Variants in AMOTL1 observed in about 807,000 individuals in gnomAD.
AMOTL1 encodes the protein angiomotin like 1.
AMOTL1 carries 45 observed loss-of-function variants against 102.9 expected under a neutral mutation model. The ratio of observed to expected loss-of-function variants is 0.44; its 90% CI spans 0.34 to 0.56. The LOEUF (loss-of-function observed/expected upper bound fraction) is 0.56, where lower values mean the gene tolerates loss of function less well. Ranked by LOEUF, AMOTL1 falls within the 20% of genes least tolerant of loss-of-function variation. The probability of loss-of-function intolerance (pLI) is 0.01; values close to 1 mark genes in which losing one functional copy is unlikely to be tolerated. For missense variants in AMOTL1, 1,114 were observed against 1,225.6 expected (o/e 0.91, Z 1.36); for synonymous variants, 481 against 484.7 (o/e 0.99, Z 0.10).
chr11:94,709,161 A>C (rs1012952016), intron 1 of AMOTL1, among the ~76,000 whole-genome samples: 23 of 152,176 alleles, frequency 1.5e-4, no homozygotes, highest in African/African-American at 5.5e-4. Context: ...ACAGGAGTTT[A>C]ATGCTAATTC....
intron 1 of AMOTL1, among the ~76,000 whole-genome samples, chr11:94,787,772 G>A (rs781741774): frequency 2.7e-5 from 4 of 146,414 alleles, no homozygotes; most frequent in Non-Finnish European, 4.5e-5. Context: ...CAGAACAATT[G>A]CTTAAAAAAA....
chr11:94,866,183 T>C lies in AMOTL1; in HGVS notation c.2488+15T>C, dbSNP rs1460626402. ...GGGGAGCATAGGTGAGCCCCACACC[T>C]CTGTCAGACCATGATTGGAAAAGCA... On this transcript the variant is annotated intron_variant, in intron 11 of 12. Coordinates refer to ENST00000433060, the MANE Select transcript of AMOTL1 (RefSeq NM_130847.3). The C allele has an allele frequency of 2.5e-6, 4 of 1,611,530 alleles. No homozygotes were observed. In the South Asian group the frequency reaches 4.4e-5, roughly 18 times the overall value.
At chr11:94,827,542 T>C (rs537929057) in intron 4 of AMOTL1, among the ~76,000 whole-genome samples, 2 of 152,248 alleles carry the variant, frequency 1.3e-5, no homozygotes, top group Non-Finnish European at 1.5e-5. Flanking sequence ...ATGGTAAGGC[T>C]ATGAACAGGA....
chr11:94,845,275 T>A (rs1347413625), intron 6 of AMOTL1, among the ~76,000 whole-genome samples: 2 of 152,212 alleles, frequency 1.3e-5, no homozygotes, highest in African/African-American at 4.8e-5. Flanking sequence ...AAAGGGGACA[T>A]CTTTGAATTA....
chr11:94,859,409 A>G, intron 8 of AMOTL1, 116 bp from the exon 9 acceptor site: 4 of 1,005,892 alleles, frequency 4.0e-6, no homozygotes, highest in Non-Finnish European at 5.6e-6. Context: ...GAGGTGAAGT[A>G]GCATGGTGTG....
In AMOTL1 at chr11:94,873,925, C is replaced by A. The variant is rs540455393; in HGVS notation, c.*3130C>A. 1 of 152,334 alleles carries A rather than the reference C, an allele frequency of 6.6e-6. No individual in the cohort carries two copies. The highest frequency in any genetic ancestry group is 1.9e-4 in the East Asian group (1 of 5,190). 9.4% of individuals were successfully genotyped at this position (152,334 alleles called of 1,614,324 possible). A position where few individuals can be genotyped will look rare whatever the true frequency, so the allele number is the denominator to read the frequency against. On this transcript the variant is annotated 3_prime_UTR_variant, in exon 13 of 13. Coordinates refer to ENST00000433060, the MANE Select transcript of AMOTL1 (RefSeq NM_130847.3). Reference sequence around the variant, plus strand: ...ATTGTGTTCCACCAGAAGCACAGCTCCAAACTATACCTAAAAAATATTTCT... The same window carrying A: ...ATTGTGTTCCACCAGAAGCACAGCTACAAACTATACCTAAAAAATATTTCT...
At chr11:94,771,269 G>GC (rs1555067545) in intron 1 of AMOTL1, among the ~76,000 whole-genome samples, 1 of 134,530 alleles carries the variant, frequency 7.4e-6, no homozygotes, top group Admixed American at 7.4e-5. Context: ...TGGGGGGGGG[G>GC]TGCGGTGTGT....
intron 1 of AMOTL1, among the ~76,000 whole-genome samples, chr11:94,786,154 T>C (rs1013625513): frequency 2.0e-5 from 3 of 152,218 alleles, no homozygotes; most frequent in Admixed American, 6.5e-5. Context: ...TTGTTTTAGA[T>C]AAGTTAAGCA....
intron 4 of AMOTL1, among the ~76,000 whole-genome samples, chr11:94,823,214 T>G (rs950488592): frequency 1.3e-5 from 2 of 152,168 alleles, no homozygotes; most frequent in African/African-American, 4.8e-5. Context: ...ACAGACAATT[T>G]GTCCCAGCAC....
rs781718286 is a variant in AMOTL1, at chr11:94,853,937, G to T, written c.1799G>T (p.Arg600Leu). 5 of 1,608,354 alleles carry T rather than the reference G, an allele frequency of 3.1e-6. No homozygotes were observed. In the South Asian group the frequency reaches 5.6e-5, roughly 18 times the overall value. Residue 600 changes from arginine to leucine, a missense_variant, in exon 8 of 13, where the codon CGA becomes CTA. Transcript: ENST00000433060. ...ARVIKLEEEL[R>L]EKQAYVEKVE... ...TTTTTACTCTTCTCCACTCAGTTAC[G>T]AGAGAAGCAAGCATATGTTGAGAAA...
rs151202187 is a variant in AMOTL1, at chr11:94,750,098, T to C, written c.136+9110T>C. ...ATGGCTTGGGTCATGTTACCCACAG[T>C]GGTACCCCCAAATATAACAATTTCC... On this transcript the variant is annotated intron_variant, in intron 3 of 4. Coordinates refer to the AMOTL1 transcript ENST00000299004. Among the ~76,000 whole-genome samples, 739 of 152,306 alleles carry C rather than the reference T, an allele frequency of 4.9e-3. 10 individuals carry two copies. The highest frequency in any genetic ancestry group is 0.017 in the African/African-American group (692 of 41,566).
At chr11:94,812,595 G>T (rs1188991269) in intron 3 of AMOTL1, among the ~76,000 whole-genome samples, 4 of 152,302 alleles carry the variant, frequency 2.6e-5, no homozygotes, top group African/African-American at 9.6e-5. Context: ...TGGGCAAATT[G>T]TGAGGAAAGT....
At chr11:94,723,143 T>C (rs759544121) in intron 1 of AMOTL1, among the ~76,000 whole-genome samples, 3 of 152,126 alleles carry the variant, frequency 2.0e-5, no homozygotes, top group Non-Finnish European at 4.4e-5. Context: ...CAACAAGAAT[T>C]ACCTGAGCCT....
At chr11:94,831,925 G>A (rs1474011135) in intron 6 of AMOTL1, among the ~76,000 whole-genome samples, 1 of 152,160 alleles carries the variant, frequency 6.6e-6, no homozygotes, top group Non-Finnish European at 1.5e-5. Flanking sequence ...TTTTGTCCTC[G>A]TATAGGTTGT....
chr11:94,859,623 G>A lies in AMOTL1; in HGVS notation c.2043G>A (p.Glu681=). 1.2e-6 allele frequency: 2 copies of A among 1,613,832 alleles called. No individual in the cohort carries two copies. The highest frequency in any genetic ancestry group is 1.7e-6 in the Non-Finnish European group (2 of 1,179,812). Residue 681 remains glutamate, a synonymous_variant, in exon 9 of 13, where the codon GAG becomes GAA. Transcript: ENST00000433060. ...REKEERILAL[E]ADMTKWEQKY... ...AGGAGGAGCGGATCCTGGCCCTGGA[G>A]GCCGACATGACAAAGTGGGAGCAGA... is the stretch of plus-strand genomic sequence containing the variant.
intron 3 of AMOTL1, among the ~76,000 whole-genome samples, chr11:94,752,528 A>G (rs1048428832): frequency 9.9e-5 from 15 of 152,182 alleles, no homozygotes; most frequent in Non-Finnish European, 1.5e-4. Flanking sequence ...CCCATGGCAC[A>G]TATGTGTGGT....
At chr11:94,716,673 AC>A (rs1188745769) in intron 1 of AMOTL1, among the ~76,000 whole-genome samples, 7 of 152,044 alleles carry the variant, frequency 4.6e-5, no homozygotes, top group African/African-American at 1.7e-4. Context: ...GGAGGAAGGG[AC>A]GGGTCCTGTT....
chr11:94,739,566 G>A (rs550638004), intron 2 of AMOTL1, among the ~76,000 whole-genome samples: 10 of 152,302 alleles, frequency 6.6e-5, no homozygotes, highest in African/African-American at 1.9e-4. Flanking sequence ...GGCTCAGATC[G>A]GGGCCCTTAG....
Position 94,799,701 on chromosome 11 carries a change from G to C in AMOTL1, c.511G>C (p.Val171Leu). 4.3e-6 allele frequency: 7 copies of C among 1,613,924 alleles called. No homozygotes were observed. The highest frequency in any genetic ancestry group is 5.9e-6 in the Non-Finnish European group (7 of 1,179,890). ...TCAAGAACACCAGGTGGACAATACGGTGATGGAGAAACAGGTCCGGTCCAC... is the reference window on the plus strand; with the variant it reads ...TCAAGAACACCAGGTGGACAATACGCTGATGGAGAAACAGGTCCGGTCCAC... ...QGQEHQVDNTVMEKQVRSTQP... is the reference protein window; with the variant it reads ...QGQEHQVDNTLMEKQVRSTQP... Residue 171 changes from valine to leucine, a missense_variant, in exon 3 of 13, where the codon GTG (valine) becomes CTG (leucine). By Grantham distance (32) the Val-to-Leu change is conservative. Transcript: ENST00000433060. This position sits in a 1 kb window ranked among gnomAD's most constrained non-coding sequence, Gnocchi z 4.5.
Sources: gnomAD v4.1 joint callset for allele counts (sites outside exome capture counted in the v4.1 genomes callset) on GRCh38, gnomAD v4.1.1 for gene constraint, Gnocchi (gnomAD v3.1) non-coding constraint, MANE v1.5 for transcripts, NCBI Gene and HGNC (gene_info 2026-07-23, HGNC 2026-07-21) for gene names.